NCEH1: variants seen among roughly 807,000 people sequenced by gnomAD.
NCEH1 encodes 2-acetyl MAGE hydrolase.
NCEH1 carries 9 observed loss-of-function variants against 25.4 expected under a neutral mutation model. The ratio of observed to expected loss-of-function variants is 0.35; its 90% CI spans 0.21 to 0.62. The LOEUF is 0.62. Among genes scored for constraint, NCEH1 ranks in the 20% least tolerant of loss-of-function variants. The probability of loss-of-function intolerance (pLI) is 0.72; values close to 1 mark genes in which losing one functional copy is unlikely to be tolerated. For missense variants in NCEH1, 412 were observed against 501.1 expected (o/e 0.82, Z 1.70); for synonymous variants, 200 against 199.8 (o/e 1.00, Z -0.01).
intron 1 of NCEH1, among the ~76,000 whole-genome samples, chr3:172,667,579 T>G (rs2108510355): frequency 6.6e-6 from 1 of 152,316 alleles, no homozygotes; most frequent in African/African-American, 2.4e-5. Context: ...GGCGGCATAT[T>G]TAACTTGGTG....
intron 2 of NCEH1, among the ~76,000 whole-genome samples, chr3:172,646,847 G>A (rs1278931400): frequency 1.3e-5 from 2 of 152,046 alleles, no homozygotes; most frequent in African/African-American, 2.4e-5. Context: ...CTCTTTTAAG[G>A]CAGAAACTCC....
At chr3:172,680,469 T>C (rs1712287277) in intron 1 of NCEH1, among the ~76,000 whole-genome samples, 1 of 152,168 alleles carries the variant, frequency 6.6e-6, no homozygotes, top group Admixed American at 6.5e-5. Flanking sequence ...AGGTTTGGTT[T>C]GTGTGCAACT....
intron 1 of NCEH1, 122 bp from the exon 2 acceptor site, chr3:172,648,236 T>C (rs1024642043): frequency 6.3e-6 from 7 of 1,115,832 alleles, no homozygotes; most frequent in South Asian, 3.0e-5. Flanking sequence ...GGAGGGCTCA[T>C]TGAGCCCTTT....
intron 1 of NCEH1, among the ~76,000 whole-genome samples, chr3:172,681,718 T>C (rs1236912445): frequency 7.0e-6 from 1 of 142,828 alleles, no homozygotes; most frequent in Non-Finnish European, 1.5e-5. Context: ...GGTAAAACCC[T>C]GTCTCTAGTA....
chr3:172,665,783 G>A (rs751105228), intron 1 of NCEH1, among the ~76,000 whole-genome samples: 5 of 152,188 alleles, frequency 3.3e-5, no homozygotes, highest in East Asian at 1.9e-4. Context: ...TGTCGGACCC[G>A]CCGAGCCATG....
At chr3:172,706,757 T>A (rs1053890485) in intron 1 of NCEH1, among the ~76,000 whole-genome samples, 1 of 152,074 alleles carries the variant, frequency 6.6e-6, no homozygotes, top group African/African-American at 2.4e-5. Context: ...CGCCTCGACC[T>A]CCCACAGTGC....
intron 1 of NCEH1, among the ~76,000 whole-genome samples, chr3:172,695,388 A>C (rs141383925): frequency 7.2e-5 from 11 of 152,348 alleles, no homozygotes; most frequent in African/African-American, 2.4e-4. Context: ...TAAAATGAAC[A>C]ATACCTTGGC....
chr3:172,664,231 C>G (rs1236238276), intron 1 of NCEH1, among the ~76,000 whole-genome samples: 1 of 152,164 alleles, frequency 6.6e-6, no homozygotes, highest in Non-Finnish European at 1.5e-5. Flanking sequence ...CTTAGTTTGG[C>G]TGGATATGAA....
rs1441817620 is a variant in NCEH1, at chr3:172,630,925, T to C, written c.*2550A>G. ...ACTTCACTATACAGCACTTCAAGGTTTTTCTTTATATATTAATGTTTATAT... is the reference window on the plus strand; with the variant it reads ...ACTTCACTATACAGCACTTCAAGGTCTTTCTTTATATATTAATGTTTATAT... On this transcript the variant is annotated 3_prime_UTR_variant, in exon 5 of 5. Transcript: ENST00000475381. 2 of 150,676 alleles carry C rather than the reference T, an allele frequency of 1.3e-5. No individual in the cohort carries two copies. The highest frequency in any genetic ancestry group is 3.0e-5 in the Non-Finnish European group (2 of 67,428). The allele number at this position is 150,676 out of a possible 1,614,324, so 9.3% of individuals were successfully genotyped here. A position where few individuals can be genotyped will look rare whatever the true frequency, so the allele number is the denominator to read the frequency against.
chr3:172,690,087 T>C (rs1019377926), intron 1 of NCEH1, among the ~76,000 whole-genome samples: 1 of 151,936 alleles, frequency 6.6e-6, no homozygotes, highest in Non-Finnish European at 1.5e-5. Context: ...GTATTTTTAG[T>C]AGAGACGGGG....
Position 172,710,995 on chromosome 3 carries a change from C to T in NCEH1, c.-11G>A, listed in dbSNP as rs1003743923. ...ACAGGACGACCTCATCTTGCCCTGG[C>T]TCGGCTCGCCAGCGGGCTGGCAAAG... On this transcript the variant is annotated 5_prime_UTR_variant, in exon 1 of 5. Transcript: ENST00000475381. 7.4e-6 allele frequency: 12 copies of T among 1,613,820 alleles called. No homozygotes were observed. Among genetic ancestry groups the T allele is most frequent in the Non-Finnish European group, 1.0e-5 (12 of 1,179,914 alleles).
chr3:172,656,354 T>TGGAA (rs1717693665), intron 1 of NCEH1, among the ~76,000 whole-genome samples: 1 of 152,184 alleles, frequency 6.6e-6, no homozygotes, highest in Admixed American at 6.5e-5. Flanking sequence ...GGAAAGCAGA[T>TGGAA]GGAAGGGAGA....
At position 172,633,221 on chromosome 3, in the gene NCEH1, T is replaced by C; in HGVS notation, c.*254A>G. The stretch of plus-strand genomic sequence containing the variant: ...CTTTCTGTAGCTGTAGGTATCAGTA[T>C]AGTTGGCTAAGATAACAAGAACAGA... On this transcript the variant is annotated 3_prime_UTR_variant, in exon 5 of 5. Coordinates refer to ENST00000475381, the MANE Select transcript of NCEH1 (RefSeq NM_020792.6). The C allele has an allele frequency of 2.1e-6, 1 of 473,050 alleles. No individual in the cohort carries two copies. Among genetic ancestry groups the C allele is most frequent in the Non-Finnish European group, 3.8e-6 (1 of 261,704 alleles). 29.3% of individuals were successfully genotyped at this position (473,050 alleles called of 1,614,324 possible). A position where few individuals can be genotyped will look rare whatever the true frequency, so the allele number is the denominator to read the frequency against.
chr3:172,693,538 A>G (rs1231213423), intron 1 of NCEH1, among the ~76,000 whole-genome samples: 1 of 152,172 alleles, frequency 6.6e-6, no homozygotes, highest in Non-Finnish European at 1.5e-5. Context: ...TACCCAAATG[A>G]AAGTCCAACT....
intron 1 of NCEH1, among the ~76,000 whole-genome samples, chr3:172,688,873 C>T (rs1472323548): frequency 1.3e-5 from 2 of 152,190 alleles, no homozygotes; most frequent in African/African-American, 4.8e-5. Context: ...CAGGATTCTA[C>T]AACCCAAGCA....
At chr3:172,709,078 T>C (rs1714162750) in intron 1 of NCEH1, among the ~76,000 whole-genome samples, 1 of 152,216 alleles carries the variant, frequency 6.6e-6, no homozygotes, top group Non-Finnish European at 1.5e-5. Flanking sequence ...ATTGCTGACT[T>C]CAGGTTACAC....
Position 172,632,359 on chromosome 3 carries a change from T to C in NCEH1, c.*1116A>G, listed in dbSNP as rs941436298. 1 of 152,348 alleles carries C rather than the reference T, an allele frequency of 6.6e-6. No individual in the cohort carries two copies. The highest frequency in any genetic ancestry group is 2.4e-5 in the African/African-American group (1 of 41,444). 9.4% of individuals were successfully genotyped at this position (152,348 alleles called of 1,614,324 possible). A position where few individuals can be genotyped will look rare whatever the true frequency, so the allele number is the denominator to read the frequency against. ...GGCAGTTTTTTAAAAAATACCATTG[T>C]TTTTAATATTTATTATGGACATCTT... On this transcript the variant is annotated 3_prime_UTR_variant, in exon 5 of 5. Coordinates refer to ENST00000475381, the MANE Select transcript of NCEH1 (RefSeq NM_020792.6).
chr3:172,682,380 A>G (rs981482372), intron 1 of NCEH1, among the ~76,000 whole-genome samples: 5 of 152,240 alleles, frequency 3.3e-5, no homozygotes, highest in Non-Finnish European at 5.9e-5. Context: ...ATTGTCCTAC[A>G]CATCTCTTCT....
rs774616762 is a variant in NCEH1, at chr3:172,697,091, A to ATT, written c.138+13754_138+13755dup. On this transcript the variant is annotated intron_variant, in intron 1 of 4. Transcript: ENST00000475381. Reference sequence around the variant, plus strand: ...AGGTGCGCCCCACCATGCCCAGCTAATTTTTTTTTTTTTTTGAAGTATAGA... The same window carrying ATT: ...AGGTGCGCCCCACCATGCCCAGCTAATTTTTTTTTTTTTTTTTGAAGTATAGA... 1.7e-4 allele frequency among the ~76,000 whole-genome samples: 24 copies of ATT among 144,556 alleles called. 1 individual carries two copies. Among genetic ancestry groups the ATT allele is most frequent in the East Asian group, 4.1e-4 (2 of 4,930 alleles). 94.8% of individuals were successfully genotyped at this position (144,556 alleles called of 152,430 possible). A position where few individuals can be genotyped will look rare whatever the true frequency, so the allele number is the denominator to read the frequency against.
Sources: gnomAD v4.1 joint callset for allele counts (sites outside exome capture counted in the v4.1 genomes callset) on GRCh38, gnomAD v4.1.1 for gene constraint, MANE v1.5 for transcripts, NCBI Gene and HGNC (gene_info 2026-07-23, HGNC 2026-07-21) for gene names.